The following CLMP variants were observed in gnomAD, a reference collection of about 807,000 sequenced individuals.
CLMP encodes the protein CXADR-like membrane protein.
Under a neutral mutation model 45.2 loss-of-function variants are expected in CLMP, and 27 were observed. The ratio of observed to expected loss-of-function variants is 0.60; its 90% CI spans 0.44 to 0.82. CLMP has a LOEUF of 0.82. Ranked by LOEUF, CLMP falls within the 40% of genes least tolerant of loss-of-function variation. CLMP has a pLI of 0.00. For synonymous variants in CLMP, 167 were observed against 171.4 expected, an observed-to-expected ratio of 0.97 and a Z score of 0.20; for missense variants, 403 against 448.4, an observed-to-expected ratio of 0.90 and a Z score of 0.91.
chr11:123,082,875 G>T (rs1365824958), intron 5 of CLMP, among the ~76,000 whole-genome samples: 2 of 152,142 alleles, frequency 1.3e-5, no homozygotes, highest in Admixed American at 1.3e-4. Context: ...CCAAAGTGCT[G>T]GGATTACAGG....
intron 1 of CLMP, among the ~76,000 whole-genome samples, chr11:123,168,541 G>A (rs1861589856): frequency 6.6e-6 from 1 of 152,164 alleles, no homozygotes; most frequent in Non-Finnish European, 1.5e-5. Flanking sequence ...CCACTCAATT[G>A]CCTTGCAGTG....
intron 1 of CLMP, among the ~76,000 whole-genome samples, chr11:123,108,044 A>G (rs1860585003): frequency 6.6e-6 from 1 of 152,106 alleles, no homozygotes; most frequent in African/African-American, 2.4e-5. Context: ...TACCACACAG[A>G]GGGAGGGAAA....
At chr11:123,170,400 T>A (rs1861615102) in intron 1 of CLMP, among the ~76,000 whole-genome samples, 1 of 151,418 alleles carries the variant, frequency 6.6e-6, no homozygotes, top group Admixed American at 6.6e-5. Context: ...TGGAAGTTCC[T>A]CCTTTTGGCT....
At chr11:123,188,460 C>T (rs1861862557) in intron 1 of CLMP, among the ~76,000 whole-genome samples, 1 of 151,686 alleles carries the variant, frequency 6.6e-6, no homozygotes, top group African/African-American at 2.4e-5. Flanking sequence ...TCTTCTTCCT[C>T]CTCCTCCTCC....
At chr11:123,149,855 AG>A (rs1411584851) in intron 1 of CLMP, among the ~76,000 whole-genome samples, 3 of 149,902 alleles carry the variant, frequency 2.0e-5, no homozygotes, top group Non-Finnish European at 3.0e-5. Flanking sequence ...TCTGTCATCC[AG>A]GCTGCAGTTT....
At chr11:123,074,426 C>T (rs1413261915) in intron 6 of CLMP, among the ~76,000 whole-genome samples, 4 of 152,096 alleles carry the variant, frequency 2.6e-5, no homozygotes, top group Non-Finnish European at 5.9e-5. Flanking sequence ...AAGTAATCCT[C>T]CCGCCTCGGC....
chr11:123,161,509 G>GA lies in CLMP; in HGVS notation c.28+33403dup, dbSNP rs199647980. 3.3e-3 allele frequency among the ~76,000 whole-genome samples: 501 copies of GA among 151,844 alleles called. 9 individuals are homozygous for GA. The East Asian group carries it at 0.049, about 15-fold the overall frequency. ...TGGTGAAACCCCATCTCTAAAAAAA[G>GA]AAAAAAATACAAAGAATTAGCCAAG... On this transcript the variant is annotated intron_variant, in intron 1 of 6. Transcript: ENST00000448775.
chr11:123,140,799 T>A (rs934499684), intron 1 of CLMP, among the ~76,000 whole-genome samples: 3 of 152,096 alleles, frequency 2.0e-5, no homozygotes, highest in African/African-American at 7.2e-5. Flanking sequence ...CCGATATGAT[T>A]TAGATGTTTG....
intron 2 of CLMP, among the ~76,000 whole-genome samples, chr11:123,089,862 G>C (rs1176785079): frequency 6.6e-6 from 1 of 151,916 alleles, no homozygotes; most frequent in South Asian, 2.1e-4. Flanking sequence ...CATTTTGGGA[G>C]ACCAAGGCGG....
chr11:123,128,708 G>A (rs1488697182), intron 1 of CLMP, among the ~76,000 whole-genome samples: 5 of 152,054 alleles, frequency 3.3e-5, no homozygotes, highest in Non-Finnish European at 7.4e-5. Context: ...ATAATTAAAA[G>A]TTTAATCATC....
chr11:123,186,095 C>G (rs1305322606), intron 1 of CLMP, among the ~76,000 whole-genome samples: 1 of 152,188 alleles, frequency 6.6e-6, no homozygotes, highest in Non-Finnish European at 1.5e-5. Flanking sequence ...GCAAACTCTG[C>G]TCGCGTCTGC....
rs143863713 is a variant in CLMP, at chr11:123,096,757, G to A, written c.186+1038C>T. ...CAACATAAACCATGTTATAAAATTA[G>A]TGGTGTAGACAGAGAAGAGGAAAGG... On this transcript the variant is annotated intron_variant, in intron 2 of 6. Coordinates refer to ENST00000448775, the MANE Select transcript of CLMP (RefSeq NM_024769.5). 3.0e-3 allele frequency among the ~76,000 whole-genome samples: 457 copies of A among 152,260 alleles called. 4 individuals are homozygous for A. The highest frequency in any genetic ancestry group is 0.01 in the African/African-American group (431 of 41,562).
At chr11:123,083,284 T>A in intron 4 of CLMP, 77 bp from the exon 5 acceptor site, 1 of 1,324,334 alleles carries the variant, frequency 7.6e-7, no homozygotes, top group Non-Finnish European at 1.1e-6. Context: ...ATTGTATCAC[T>A]GAGCTGAGAT....
chr11:123,181,250 G>T (rs1476103539), intron 1 of CLMP, among the ~76,000 whole-genome samples: 1 of 152,104 alleles, frequency 6.6e-6, no homozygotes, highest in African/African-American at 2.4e-5. Context: ...CTCCAAATTG[G>T]CCTATAAACT....
chr11:123,174,576 T>C (rs1459810283), intron 1 of CLMP, among the ~76,000 whole-genome samples: 2 of 152,226 alleles, frequency 1.3e-5, no homozygotes, highest in Non-Finnish European at 2.9e-5. Context: ...CTTGCCCACT[T>C]GCTGCCTCCT....
chr11:123,114,963 GT>G (rs1313291547), intron 1 of CLMP, among the ~76,000 whole-genome samples: 2 of 152,142 alleles, frequency 1.3e-5, no homozygotes, highest in African/African-American at 4.8e-5. Context: ...CTGCTACCCA[GT>G]ATAGGTAGCT....
chr11:123,157,459 A>C (rs1861429562), intron 1 of CLMP, among the ~76,000 whole-genome samples: 1 of 152,188 alleles, frequency 6.6e-6, no homozygotes, highest in South Asian at 2.1e-4. Context: ...AGGCTGAGGC[A>C]GGCAAATCAC....
At chr11:123,084,409 A>G (rs776994430) in intron 3 of CLMP, 103 bp downstream of exon 3, 2 of 915,868 alleles carry the variant, frequency 2.2e-6, no homozygotes, top group Non-Finnish European at 3.5e-6. Context: ...GTGTAATCCA[A>G]AGTACTGAAC....
Position 123,150,511 on chromosome 11 carries a change from GGAAGGAAGGAAGGAAGGAAAGAAA to G in CLMP, c.28+44378_28+44401del, listed in dbSNP as rs1283171965. Among the ~76,000 whole-genome samples, 44 of 125,316 alleles carry G rather than the reference GGAAGGAAGGAAGGAAGGAAAGAAA, an allele frequency of 3.5e-4. 2 individuals carry two copies. In the South Asian group the frequency reaches 8.8e-3, roughly 25 times the overall value. The allele number at this position is 125,316 out of a possible 152,430, so 82.2% of individuals were successfully genotyped here. A position where few individuals can be genotyped will look rare whatever the true frequency, so the allele number is the denominator to read the frequency against. The stretch of plus-strand genomic sequence containing the variant: ...AGGAAGGAAGGAAGGAAGGAAGGAA[GGAAGGAAGGAAGGAAGGAAAGAAA>G]CAAGCAAGGAAGGAAGGAAGGAAGG... On this transcript the variant is annotated intron_variant, in intron 1 of 6. Transcript: ENST00000448775.
Sources: allele counts gnomAD v4.1 joint callset (sites outside exome capture counted in the v4.1 genomes callset), GRCh38; gene constraint gnomAD v4.1.1; transcripts MANE v1.5; gene names NCBI Gene and HGNC (gene_info 2026-07-23, HGNC 2026-07-21).